Variants in PDE1A observed in about 807,000 individuals in gnomAD.
The protein encoded by PDE1A is phosphodiesterase 1A.
PDE1A carries 35 observed loss-of-function variants against 61.7 expected under a neutral mutation model. The ratio of observed to expected loss-of-function variants is 0.57; its 90% CI spans 0.43 to 0.75. PDE1A has a LOEUF of 0.75. Among genes scored for constraint, PDE1A ranks in the 30% least tolerant of loss-of-function variants. The pLI is 0.00. For synonymous variants in PDE1A, 232 were observed against 213.2 expected, an observed-to-expected ratio of 1.09 and a Z score of -0.77; for missense variants, 597 against 630.6, an observed-to-expected ratio of 0.95 and a Z score of 0.57.
chr2:182,168,268 C>T, exon 14 of PDE1A: 1 of 1,593,330 alleles, frequency 6.3e-7, no homozygotes, highest in African/African-American at 1.4e-5. Context: ...TAAACTCACA[C>T]TTCTGTGAAC....
intron 7 of PDE1A, among the ~76,000 whole-genome samples, chr2:182,209,995 T>G (rs1446818931): frequency 2.6e-5 from 4 of 152,226 alleles, no homozygotes; most frequent in Non-Finnish European, 5.9e-5. Flanking sequence ...CTTGCAGCAC[T>G]CAAGTTTTCT....
chr2:182,562,602 A>G, the PDE1A span, among the ~76,000 whole-genome samples: 1 of 151,932 alleles, frequency 6.6e-6, no homozygotes, highest in African/African-American at 2.4e-5. Context: ...CTCTTTTTCT[A>G]TTGATTGGAA....
At chr2:182,701,324 C>T in the PDE1A span, among the ~76,000 whole-genome samples, 19 of 151,858 alleles carry the variant, frequency 1.3e-4, no homozygotes, top group Admixed American at 5.2e-4. Context: ...TGTGAGCCAC[C>T]GCGCCCGGCT....
At chr2:182,247,246 G>A (rs1323700089) in intron 2 of PDE1A, among the ~76,000 whole-genome samples, 1 of 151,914 alleles carries the variant, frequency 6.6e-6, no homozygotes, top group Non-Finnish European at 1.5e-5. Flanking sequence ...AAAGTCACAG[G>A]AAAGAAAACT....
intron 1 of PDE1A, among the ~76,000 whole-genome samples, chr2:182,407,695 A>G (rs1031142861): frequency 6.6e-6 from 1 of 152,116 alleles, no homozygotes; most frequent in African/African-American, 2.4e-5. Flanking sequence ...TACTTTACGT[A>G]GCATATTTGT....
At chr2:182,222,195 A>G (rs1037568124) in intron 7 of PDE1A, among the ~76,000 whole-genome samples, 1 of 152,036 alleles carries the variant, frequency 6.6e-6, no homozygotes, top group South Asian at 2.1e-4. Context: ...TGTCCATGTA[A>G]TGGAATAGTA....
intron 3 of PDE1A, among the ~76,000 whole-genome samples, chr2:182,235,013 G>C (rs1451164663): frequency 6.6e-6 from 1 of 152,112 alleles, no homozygotes; most frequent in Non-Finnish European, 1.5e-5. Flanking sequence ...AATCATACTA[G>C]CAAAAATTGT....
chr2:182,433,432 C>A (rs1704053762), intron 2 of PDE1A, among the ~76,000 whole-genome samples: 1 of 152,058 alleles, frequency 6.6e-6, no homozygotes. Context: ...TTATCTCCTG[C>A]ATACCTTTCA....
chr2:182,230,859 G>T (rs188838362), intron 5 of PDE1A, among the ~76,000 whole-genome samples, 156 bp downstream of exon 5: 3 of 152,144 alleles, frequency 2.0e-5, no homozygotes, highest in Admixed American at 2.0e-4. Flanking sequence ...TGTGGAGAAT[G>T]GTTCTATCAT....
Position 182,491,846 on chromosome 2 carries a change from A to C in PDE1A, c.101+30430T>G, listed in dbSNP as rs1394171354. On this transcript the variant is annotated intron_variant, in intron 2 of 14. Transcript: ENST00000410103. ...CCAGGTAAATGCCACTTTTCCTACC[A>C]GTTGTTTCTTATTTCTCTATGCACT... Among the ~76,000 whole-genome samples, 5 of 152,114 alleles carry C rather than the reference A, an allele frequency of 3.3e-5. No individual in the cohort carries two copies. The East Asian group carries it at 9.7e-4, about 29-fold the overall frequency.
chr2:182,337,726 G>C (rs1442492222), intron 1 of PDE1A, among the ~76,000 whole-genome samples: 1 of 152,044 alleles, frequency 6.6e-6, no homozygotes, highest in Non-Finnish European at 1.5e-5. Flanking sequence ...AGTATCACAG[G>C]ATAGAGTTAT....
At chr2:182,149,616 G>C (rs1057024160) in intron 13 of PDE1A, among the ~76,000 whole-genome samples, 1 of 152,134 alleles carries the variant, frequency 6.6e-6, no homozygotes, top group Non-Finnish European at 1.5e-5. Flanking sequence ...TAAATCTTTA[G>C]TTGTAGACGC....
At chr2:182,574,465 C>A in the PDE1A span, among the ~76,000 whole-genome samples, 1 of 152,126 alleles carries the variant, frequency 6.6e-6, no homozygotes, top group Admixed American at 6.6e-5. Flanking sequence ...CATAATTACA[C>A]CTCACATAAT....
chr2:182,419,300 T>C (rs1286390403), intron 1 of PDE1A, among the ~76,000 whole-genome samples: 1 of 151,974 alleles, frequency 6.6e-6, no homozygotes, highest in Non-Finnish European at 1.5e-5. Flanking sequence ...AGTTATGCTG[T>C]AGAGTATATT....
chr2:182,141,926 G>C (rs1319804454), exon 15 of PDE1A: 1 of 152,120 alleles, frequency 6.6e-6, no homozygotes, highest in Non-Finnish European at 1.5e-5. Context: ...GATCTTTCTT[G>C]TCAGCTAACA....
intron 7 of PDE1A, among the ~76,000 whole-genome samples, chr2:182,219,931 C>T (rs1219473476): frequency 1.3e-5 from 2 of 151,990 alleles, no homozygotes; most frequent in African/African-American, 4.8e-5. Flanking sequence ...TTAATAACAA[C>T]AGAGAAAACA....
chr2:182,413,939 T>C (rs1047434585), intron 1 of PDE1A, among the ~76,000 whole-genome samples: 2 of 152,190 alleles, frequency 1.3e-5, no homozygotes, highest in African/African-American at 4.8e-5. Flanking sequence ...ATTGTTATTA[T>C]ACATGCATTA....
chr2:182,600,117 C>A, the PDE1A span, among the ~76,000 whole-genome samples: 13 of 152,192 alleles, frequency 8.5e-5, no homozygotes, highest in African/African-American at 3.1e-4. Flanking sequence ...GCAAAGTTCT[C>A]TTAGGTTTTG....
intron 1 of PDE1A, among the ~76,000 whole-genome samples, chr2:182,277,136 CT>C (rs1693476548): frequency 2.0e-5 from 3 of 151,986 alleles, no homozygotes; most frequent in African/African-American, 7.2e-5. Flanking sequence ...CTTTGTTCTC[CT>C]TTTTTGCCCT....
Sources: allele counts gnomAD v4.1 joint callset (sites outside exome capture counted in the v4.1 genomes callset), GRCh38; gene constraint gnomAD v4.1.1; transcripts MANE v1.5; gene names NCBI Gene and HGNC (gene_info 2026-07-23, HGNC 2026-07-21).